The following TAS2R1 variants were observed in gnomAD, a reference collection of about 807,000 sequenced individuals.
The protein encoded by TAS2R1 is taste 2 receptor member 1, also known as taste receptor type 2 member 1.
For synonymous variants in TAS2R1, 141 were observed against 134.2 expected (o/e 1.05, Z -0.35); for missense variants, 370 against 353.4 (o/e 1.05, Z -0.38).
intron 1 of TAS2R1, among the ~76,000 whole-genome samples, chr5:9,693,547 AAG>A (rs1316969071): frequency 4.4e-5 from 6 of 136,746 alleles, no homozygotes; most frequent in Admixed American, 2.4e-4. Flanking sequence ...AAAAAAAAAA[AAG>A]AGAGAGAAAA....
intron 1 of TAS2R1, among the ~76,000 whole-genome samples, chr5:9,704,777 TAA>T (rs1157356456): frequency 2.6e-5 from 4 of 152,202 alleles, no homozygotes; most frequent in Non-Finnish European, 5.9e-5. Context: ...TCAAGGATGA[TAA>T]GAGAGTTGGA....
At chr5:9,733,718 G>A in the TAS2R1 span, among the ~76,000 whole-genome samples, 26 of 152,198 alleles carry the variant, frequency 1.7e-4, no homozygotes, top group Middle Eastern at 3.4e-3. Flanking sequence ...TTTGTTATGC[G>A]TGAGAAAATG....
chr5:9,855,680 G>A, the TAS2R1 span, among the ~76,000 whole-genome samples: 2 of 152,242 alleles, frequency 1.3e-5, no homozygotes. Context: ...ACTGGCTTGA[G>A]CCATTTGAGT....
the TAS2R1 span, among the ~76,000 whole-genome samples, chr5:9,839,487 A>G: frequency 1.3e-5 from 2 of 152,238 alleles, no homozygotes; most frequent in South Asian, 2.1e-4. Context: ...ATAAAAAAAG[A>G]AAAGCTTTCA....
chr5:9,827,955 G>A, the TAS2R1 span, among the ~76,000 whole-genome samples: 8 of 152,024 alleles, frequency 5.3e-5, no homozygotes, highest in East Asian at 1.9e-4. Context: ...TACCTTCTAC[G>A]ATATTCCGCT....
chr5:9,660,637 C>A (rs1740516118), intron 1 of TAS2R1, among the ~76,000 whole-genome samples: 3 of 152,108 alleles, frequency 2.0e-5, no homozygotes, highest in Admixed American at 2.0e-4. Flanking sequence ...CTGTCTTAAT[C>A]CCTAGGACTT....
chr5:9,701,221 GAC>G (rs34248017), intron 1 of TAS2R1, among the ~76,000 whole-genome samples: 4,369 of 135,696 alleles, frequency 0.032, 112 homozygotes, highest in East Asian at 0.081. Context: ...CAGACACGCA[GAC>G]ACACACACAC....
chr5:9,844,455 G>T, the TAS2R1 span, among the ~76,000 whole-genome samples: 1 of 152,188 alleles, frequency 6.6e-6, no homozygotes, highest in Non-Finnish European at 1.5e-5. Context: ...CCTAGGTCAT[G>T]CCTGTTCATT....
chr5:9,768,639 C>T, the TAS2R1 span, among the ~76,000 whole-genome samples: 1 of 152,196 alleles, frequency 6.6e-6, no homozygotes. Context: ...CTACTGCTTT[C>T]TTTGGCCAGT....
At chr5:9,838,504 G>T in the TAS2R1 span, among the ~76,000 whole-genome samples, 2 of 152,150 alleles carry the variant, frequency 1.3e-5, no homozygotes, top group Non-Finnish European at 2.9e-5. Context: ...AAGCTACAAA[G>T]CAGGTTGCCT....
Position 9,651,884 on chromosome 5 carries a change from C to T in TAS2R1, c.-81+7537G>A, listed in dbSNP as rs78410104. 6.8e-3 allele frequency among the ~76,000 whole-genome samples: 1,030 copies of T among 152,244 alleles called. 9 individuals carry two copies. The highest frequency in any genetic ancestry group is 0.022 in the African/African-American group (933 of 41,540). On this transcript the variant is annotated intron_variant, in intron 2 of 2. Coordinates refer to the TAS2R1 transcript ENST00000506620. ...CTTCAGCCCACCAACAAGCCCTGAG[C>T]GGCTGGGCGTCCATCTCCCCATCTG...
the TAS2R1 span, among the ~76,000 whole-genome samples, chr5:9,790,739 C>A: frequency 6.6e-6 from 1 of 152,184 alleles, no homozygotes; most frequent in East Asian, 1.9e-4. Flanking sequence ...AGCAATTCTT[C>A]CGCCTCAGCC....
At chr5:9,878,027 C>G in the TAS2R1 span, among the ~76,000 whole-genome samples, 1 of 152,172 alleles carries the variant, frequency 6.6e-6, no homozygotes, top group African/African-American at 2.4e-5. Context: ...TACTATTTCT[C>G]TCTCCTAGAA....
At chr5:9,831,115 CATAAT>C in the TAS2R1 span, among the ~76,000 whole-genome samples, 1 of 152,288 alleles carries the variant, frequency 6.6e-6, no homozygotes, top group Middle Eastern at 3.4e-3. Context: ...CACTAACAAG[CATAAT>C]ATAATTATAA....
At chr5:9,802,257 T>C in the TAS2R1 span, among the ~76,000 whole-genome samples, 1 of 152,164 alleles carries the variant, frequency 6.6e-6, no homozygotes, top group Non-Finnish European at 1.5e-5. Context: ...CACAGGACCC[T>C]GCAGATGTTC....
chr5:9,792,735 GA>G, the TAS2R1 span, among the ~76,000 whole-genome samples: 32 of 152,014 alleles, frequency 2.1e-4, no homozygotes, highest in African/African-American at 7.7e-4. Flanking sequence ...TATGTATGAT[GA>G]AAAAAGATCT....
the TAS2R1 span, among the ~76,000 whole-genome samples, chr5:9,834,607 G>A: frequency 3.9e-5 from 6 of 152,110 alleles, no homozygotes; most frequent in Admixed American, 3.9e-4. Flanking sequence ...GCAAATACTT[G>A]TATTTCTCTA....
At chr5:9,642,473 C>G (rs1009455431) in intron 2 of TAS2R1, among the ~76,000 whole-genome samples, 2 of 152,156 alleles carry the variant, frequency 1.3e-5, no homozygotes, top group Non-Finnish European at 2.9e-5. Flanking sequence ...GAATTTATTT[C>G]ATTTAAAATT....
chr5:9,693,461 T>C (rs1741290416), intron 1 of TAS2R1, among the ~76,000 whole-genome samples: 1 of 143,644 alleles, frequency 7.0e-6, no homozygotes, highest in African/African-American at 2.6e-5. Flanking sequence ...GAGGAGGTGG[T>C]TGCAGTGAGC....
Sources: allele counts gnomAD v4.1 joint callset (sites outside exome capture counted in the v4.1 genomes callset), GRCh38; gene constraint gnomAD v4.1.1; transcripts MANE v1.5; gene names NCBI Gene and HGNC (gene_info 2026-07-23, HGNC 2026-07-21).